Variants in CCPG1 observed in about 807,000 individuals in gnomAD.
CCPG1 encodes the protein cell cycle progression protein 1.
In CCPG1, 46 loss-of-function variants were observed where a neutral mutation model predicts 81.3. The observed-to-expected ratio is 0.57, with a 90% CI of 0.45 to 0.72. The LOEUF (loss-of-function observed/expected upper bound fraction) is 0.72, where lower values mean the gene tolerates loss of function less well. Ranked by LOEUF, CCPG1 falls within the 30% of genes least tolerant of loss-of-function variation. The probability of loss-of-function intolerance (pLI) is 0.00; values close to 1 mark genes in which losing one functional copy is unlikely to be tolerated. For missense variants in CCPG1, 902 were observed against 937.6 expected (o/e 0.96, Z 0.50); for synonymous variants, 330 against 305.2 (o/e 1.08, Z -0.85).
chr15:55,398,693 T>C (rs571567030), intron 1 of CCPG1, among the ~76,000 whole-genome samples: 2 of 152,020 alleles, frequency 1.3e-5, no homozygotes, highest in East Asian at 3.9e-4. Context: ...GAGATTCTCC[T>C]GCCTCAGCCT....
chr15:55,390,061 C>T (rs2056884117), intron 1 of CCPG1, among the ~76,000 whole-genome samples: 1 of 152,000 alleles, frequency 6.6e-6, no homozygotes, highest in Non-Finnish European at 1.5e-5. Flanking sequence ...GTAGCTGGGA[C>T]TACAGGCGCG....
At chr15:55,405,027 C>T (rs1356034275) in intron 1 of CCPG1, among the ~76,000 whole-genome samples, 1 of 151,790 alleles carries the variant, frequency 6.6e-6, no homozygotes, top group African/African-American at 2.4e-5. Flanking sequence ...GAGTTCATGA[C>T]CAGCCCGGCT....
At chr15:55,400,159 G>A (rs1219819820) in intron 1 of CCPG1, among the ~76,000 whole-genome samples, 1 of 128,362 alleles carries the variant, frequency 7.8e-6, no homozygotes, top group Non-Finnish European at 1.5e-5. Flanking sequence ...GCACTGAGCC[G>A]AGATAATACC....
chr15:55,401,773 C>CA (rs1188174874), intron 1 of CCPG1, among the ~76,000 whole-genome samples: 1 of 152,060 alleles, frequency 6.6e-6, no homozygotes, highest in African/African-American at 2.4e-5. Flanking sequence ...TCTTCCCACT[C>CA]AGAGTCTGCC....
Position 55,372,319 on chromosome 15 carries a change from G to A in CCPG1, c.455-275C>T, listed in dbSNP as rs1055568925. The A allele has an allele frequency of 2.4e-5, 11 of 452,680 alleles. No homozygotes were observed. The Admixed American group carries it at 3.3e-4, about 14-fold the overall frequency. 28.0% of individuals were successfully genotyped at this position (452,680 alleles called of 1,614,324 possible). On this transcript the variant is annotated intron_variant, in intron 5 of 8. Coordinates refer to ENST00000442196, the MANE Select transcript of CCPG1 (RefSeq NM_001204450.2). ...TCTGTTTTTTTATTTAATCCTCCTCGCCTTATAGTTTACACTCTTAGAACA... is the reference window on the plus strand; with the variant it reads ...TCTGTTTTTTTATTTAATCCTCCTCACCTTATAGTTTACACTCTTAGAACA...
chr15:55,373,731 T>C (rs1021697204), intron 5 of CCPG1, among the ~76,000 whole-genome samples: 5 of 152,208 alleles, frequency 3.3e-5, no homozygotes, highest in East Asian at 3.8e-4. Flanking sequence ...GTTAGAGTAT[T>C]TAAGTCAGGC....
chr15:55,361,474 G>A (rs2056193977), intron 7 of CCPG1, among the ~76,000 whole-genome samples: 1 of 151,734 alleles, frequency 6.6e-6, no homozygotes, highest in Admixed American at 6.6e-5. Context: ...TTGGGAGGCT[G>A]AGGTGGGTGG....
chr15:55,357,833 A>G (rs2056113323), intron 8 of CCPG1: 1 of 152,164 alleles, frequency 6.6e-6, no homozygotes, highest in African/African-American at 2.4e-5. Flanking sequence ...TGGCTGACAA[A>G]GCAAGATTCC....
At chr15:55,401,037 C>G (rs1347092407) in intron 1 of CCPG1, among the ~76,000 whole-genome samples, 1 of 152,114 alleles carries the variant, frequency 6.6e-6, no homozygotes, top group Non-Finnish European at 1.5e-5. Context: ...TTTTCCTGCT[C>G]CCAAGACTAT....
intron 5 of CCPG1, 48 bp downstream of exon 5, chr15:55,376,898 TATA>T: frequency 7.5e-7 from 1 of 1,336,118 alleles, no homozygotes; most frequent in Non-Finnish European, 1.1e-6. Flanking sequence ...CAAGCCTTTA[TATA>T]AAATGTGGTC....
At chr15:55,372,421 G>GA (rs2056470228) in intron 5 of CCPG1, 1 of 223,180 alleles carries the variant, frequency 4.5e-6, no homozygotes, top group Non-Finnish European at 9.0e-6. Context: ...AGCACTTTGG[G>GA]AGGCCGAGGC....
intron 1 of CCPG1, among the ~76,000 whole-genome samples, chr15:55,395,169 A>G (rs951048923): frequency 2.0e-5 from 3 of 152,162 alleles, no homozygotes; most frequent in Non-Finnish European, 4.4e-5. Flanking sequence ...AGCCCAAAAG[A>G]GAAAAAGATT....
At chr15:55,361,451 T>C (rs1011152949) in intron 7 of CCPG1, among the ~76,000 whole-genome samples, 1 of 151,800 alleles carries the variant, frequency 6.6e-6, no homozygotes, top group Admixed American at 6.6e-5. Context: ...CTCATGCCTG[T>C]AATCCCAGCA....
At chr15:55,361,395 G>C (rs1169619647) in intron 7 of CCPG1, among the ~76,000 whole-genome samples, 1 of 151,840 alleles carries the variant, frequency 6.6e-6, no homozygotes, top group Non-Finnish European at 1.5e-5. Flanking sequence ...ATCAGGAAAA[G>C]AGATTACCTT....
intron 2 of CCPG1, among the ~76,000 whole-genome samples, chr15:55,387,942 G>A (rs893981605): frequency 6.7e-5 from 10 of 150,082 alleles, no homozygotes; most frequent in Admixed American, 1.3e-4. Flanking sequence ...ACCTGGCGTC[G>A]GGAGTTCGAG....
chr15:55,377,186 C>T, intron 4 of CCPG1, 36 bp from the exon 5 acceptor site: 1 of 1,462,466 alleles, frequency 6.8e-7, no homozygotes. Flanking sequence ...GTAAGTTCAA[C>T]AATCATTTAA....
rs1470048456 is a variant in CCPG1 at position 55,393,658 on chromosome 15, C to T, written c.-9-4225G>A. On this transcript the variant is annotated intron_variant, in intron 1 of 8. Coordinates refer to ENST00000442196, the MANE Select transcript of CCPG1 (RefSeq NM_001204450.2). ...TTTTATCATTATTTGGATGCAAGGT[C>T]TCACTCTGTCACTCAGGCTGGAGTA... Among the ~76,000 whole-genome samples the T allele has an allele frequency of 2.0e-5, 3 of 152,090 alleles. No homozygotes were observed. The East Asian group carries it at 5.8e-4, about 29-fold the overall frequency.
At chr15:55,398,036 G>T (rs1465722182) in intron 1 of CCPG1, among the ~76,000 whole-genome samples, 2 of 152,086 alleles carry the variant, frequency 1.3e-5, no homozygotes, top group African/African-American at 4.8e-5. Flanking sequence ...TTTTAAATCT[G>T]AGATAGTTAT....
intron 3 of CCPG1, among the ~76,000 whole-genome samples, chr15:55,384,911 T>C (rs1477698260): frequency 6.6e-6 from 1 of 152,162 alleles, no homozygotes; most frequent in East Asian, 1.9e-4. Context: ...GTAAATCTCT[T>C]GTGATCAATG....
Sources: allele counts gnomAD v4.1 joint callset (sites outside exome capture counted in the v4.1 genomes callset), GRCh38; gene constraint gnomAD v4.1.1; transcripts MANE v1.5; gene names NCBI Gene and HGNC (gene_info 2026-07-23, HGNC 2026-07-21).